The following TENM2 variants were observed in gnomAD, a reference collection of about 807,000 sequenced individuals.
TENM2 encodes the protein teneurin transmembrane protein 2, also known as teneurin-2.
Under a neutral mutation model 245.2 loss-of-function variants are expected in TENM2, and 52 were observed. The observed-to-expected ratio is 0.21, with a 90% CI of 0.17 to 0.27. The LOEUF is 0.27. Ranked by LOEUF, TENM2 falls within the 10% of genes least tolerant of loss-of-function variation. The probability of loss-of-function intolerance (pLI) is 1.00; values close to 1 mark genes in which losing one functional copy is unlikely to be tolerated. For missense variants in TENM2, 3,046 were observed against 3,666.8 expected, an observed-to-expected ratio of 0.83 and a Z score of 4.37; for synonymous variants, 1,363 against 1,438.9, an observed-to-expected ratio of 0.95 and a Z score of 1.19.
At chr5:167,914,151 G>A (rs897832148) in intron 3 of TENM2, among the ~76,000 whole-genome samples, 1 of 152,160 alleles carries the variant, frequency 6.6e-6, no homozygotes, top group Admixed American at 6.5e-5. Flanking sequence ...ACTTGTACAA[G>A]TTCAGCATTA....
At chr5:167,379,692 A>G (rs11749740) in intron 2 of TENM2, among the ~76,000 whole-genome samples, 27,113 of 152,008 alleles carry the variant, frequency 0.18, 2,520 homozygotes, top group African/African-American at 0.19. Flanking sequence ...AGACATAAAA[A>G]CTTACTAAGA....
chr5:167,742,604 G>A (rs1761259106), intron 2 of TENM2, among the ~76,000 whole-genome samples: 2 of 152,160 alleles, frequency 1.3e-5, no homozygotes, highest in South Asian at 2.1e-4. Flanking sequence ...AAAAAGGGAA[G>A]GAGGCATTGG....
chr5:167,331,703 A>G (rs2127791876), intron 1 of TENM2, among the ~76,000 whole-genome samples: 1 of 152,344 alleles, frequency 6.6e-6, no homozygotes, highest in Non-Finnish European at 1.5e-5. Flanking sequence ...CCATTGAAAT[A>G]AAAGTGGTAA....
intron 2 of TENM2, among the ~76,000 whole-genome samples, chr5:167,751,273 AAG>A (rs1761944367): frequency 6.6e-6 from 1 of 152,170 alleles, no homozygotes; most frequent in Admixed American, 6.6e-5. Flanking sequence ...GATGTTTAAG[AAG>A]GGAGTGTAAT....
At chr5:167,570,806 AT>A (rs1314672290) in intron 2 of TENM2, among the ~76,000 whole-genome samples, 1 of 152,198 alleles carries the variant, frequency 6.6e-6, no homozygotes, top group African/African-American at 2.4e-5. Context: ...TTTAAGAGAT[AT>A]GGGGTTGGTA....
chr5:168,115,406 A>AAGGAAGGAAGGG (rs1554200368), intron 9 of TENM2, among the ~76,000 whole-genome samples: 1 of 101,006 alleles, frequency 9.9e-6, no homozygotes, highest in Non-Finnish European at 2.1e-5. Context: ...GGAAGGAAGG[A>AAGGAAGGAAGGG]AGGGAAAGGA....
chr5:168,130,985 A>G (rs1754525119), intron 12 of TENM2, among the ~76,000 whole-genome samples: 1 of 152,234 alleles, frequency 6.6e-6, no homozygotes, highest in African/African-American at 2.4e-5. Context: ...ATAGATCAAA[A>G]TCACTAAGAA....
chr5:167,982,929 A>T (rs1009576549), intron 4 of TENM2, among the ~76,000 whole-genome samples: 24 of 152,134 alleles, frequency 1.6e-4, no homozygotes, highest in African/African-American at 5.6e-4. Flanking sequence ...GGGAGAAATT[A>T]TCCTGCTCCT....
At chr5:167,900,263 T>C (rs961766807) in intron 3 of TENM2, among the ~76,000 whole-genome samples, 1 of 151,920 alleles carries the variant, frequency 6.6e-6, no homozygotes, top group Non-Finnish European at 1.5e-5. Context: ...TGAAACAGCA[T>C]TGGGACTTCT....
chr5:167,666,434 C>G (rs1247948030), intron 2 of TENM2, among the ~76,000 whole-genome samples: 2 of 152,086 alleles, frequency 1.3e-5, no homozygotes, highest in African/African-American at 4.8e-5. Context: ...CTTAAGCTCT[C>G]CAAGCCTCAG....
intron 13 of TENM2, among the ~76,000 whole-genome samples, chr5:168,169,768 G>A (rs773497537): frequency 5.3e-5 from 8 of 152,322 alleles, no homozygotes; most frequent in Non-Finnish European, 1.2e-4. Flanking sequence ...TAAATGCCTT[G>A]ATTAATGTAT....
At chr5:167,654,503 G>A (rs182183929) in intron 2 of TENM2, among the ~76,000 whole-genome samples, 36 of 152,114 alleles carry the variant, frequency 2.4e-4, no homozygotes, top group Middle Eastern at 6.8e-3. Context: ...AGGCGAACTC[G>A]AAAGAATTTC....
chr5:167,221,092 T>G, the TENM2 span, among the ~76,000 whole-genome samples: 186 of 152,298 alleles, frequency 1.2e-3, 2 homozygotes, highest in Middle Eastern at 3.4e-3. Flanking sequence ...CCTCCCAAAG[T>G]GCTGGGATTA....
At chr5:167,273,944 A>G in the TENM2 span, among the ~76,000 whole-genome samples, 1 of 152,056 alleles carries the variant, frequency 6.6e-6, no homozygotes, top group South Asian at 2.1e-4. Flanking sequence ...GTCAAATCGT[A>G]TGCAGCCAGA....
chr5:167,540,481 TA>T (rs1224183231), intron 2 of TENM2, among the ~76,000 whole-genome samples: 1 of 152,084 alleles, frequency 6.6e-6, no homozygotes, highest in Non-Finnish European at 1.5e-5. Flanking sequence ...TCAGTGTCCA[TA>T]AAAAAAATTG....
intron 2 of TENM2, among the ~76,000 whole-genome samples, chr5:167,422,478 T>A (rs1352016873): frequency 6.6e-6 from 1 of 152,242 alleles, no homozygotes; most frequent in Non-Finnish European, 1.5e-5. Flanking sequence ...TAAGGGATTT[T>A]CAACTCTTGA....
At chr5:168,054,054 T>C (rs138889091) in intron 6 of TENM2, among the ~76,000 whole-genome samples, 52 of 152,356 alleles carry the variant, frequency 3.4e-4, no homozygotes, top group African/African-American at 1.2e-3. Context: ...CAGGAGCAAG[T>C]TCATCTGAAG....
intron 2 of TENM2, among the ~76,000 whole-genome samples, chr5:167,382,238 A>G (rs1206264780): frequency 6.6e-6 from 1 of 152,170 alleles, no homozygotes; most frequent in East Asian, 1.9e-4. Context: ...GAGGAGGAAA[A>G]TGACTTTGTG....
At chr5:168,144,720 GGTATTTCTA>G (rs1755887623) in intron 12 of TENM2, among the ~76,000 whole-genome samples, 2 of 152,028 alleles carry the variant, frequency 1.3e-5, no homozygotes, top group South Asian at 4.2e-4. Flanking sequence ...TGGGTCAAAT[GGTATTTCTA>G]GTTCTAGATC....
Sources: allele counts gnomAD v4.1 joint callset (sites outside exome capture counted in the v4.1 genomes callset), GRCh38; gene constraint gnomAD v4.1.1; transcripts MANE v1.5; gene names NCBI Gene and HGNC (gene_info 2026-07-23, HGNC 2026-07-21).